The following ATP6V1E1 variants were observed in gnomAD, a reference collection of about 807,000 sequenced individuals.
ATP6V1E1 encodes V-type proton ATPase subunit E 1.
In ATP6V1E1, 21 loss-of-function variants were observed where a neutral mutation model predicts 35.2. The observed-to-expected ratio is 0.60, with a 90% CI of 0.42 to 0.86. The LOEUF (loss-of-function observed/expected upper bound fraction) is 0.86. Ranked by LOEUF, ATP6V1E1 falls within the 40% of genes least tolerant of loss-of-function variation. The pLI, the probability that ATP6V1E1 is intolerant of heterozygous loss-of-function variation, is 0.00. For synonymous variants in ATP6V1E1, 83 were observed against 87.8 expected (o/e 0.95, Z 0.30); for missense variants, 183 against 272.6 (o/e 0.67, Z 2.32).
At chr22:17,615,555 A>C (rs192870479) in intron 2 of ATP6V1E1, among the ~76,000 whole-genome samples, 4 of 151,962 alleles carry the variant, frequency 2.6e-5, no homozygotes, top group Admixed American at 2.6e-4. Flanking sequence ...AGGCAGGAGA[A>C]TCGCTTGAAC....
chr22:17,628,767 C>T, upstream of ATP6V1E1: 1 of 1,244,340 alleles, frequency 8.0e-7, no homozygotes, highest in East Asian at 2.4e-5. Flanking sequence ...GGTTCCGGTT[C>T]CTGCCAGGTG....
At chr22:17,621,046 AG>A (rs2057874367) in intron 1 of ATP6V1E1, among the ~76,000 whole-genome samples, 1 of 152,012 alleles carries the variant, frequency 6.6e-6, no homozygotes, top group Non-Finnish European at 1.5e-5. Flanking sequence ...TGGGCGACAG[AG>A]CGAGACTCTG....
intron 1 of ATP6V1E1, among the ~76,000 whole-genome samples, chr22:17,627,077 C>A (rs968784485): frequency 2.0e-5 from 3 of 152,112 alleles, no homozygotes; most frequent in Non-Finnish European, 4.4e-5. Context: ...GCAACCTCCG[C>A]CTGCCGGGTT....
At chr22:17,603,492 G>T (rs2057771540) in intron 4 of ATP6V1E1, among the ~76,000 whole-genome samples, 1 of 152,008 alleles carries the variant, frequency 6.6e-6, no homozygotes, top group African/African-American at 2.4e-5. Context: ...CTCCAACCTG[G>T]GAAACTGTGT....
At chr22:17,618,168 T>A (rs1352777581) in intron 2 of ATP6V1E1, among the ~76,000 whole-genome samples, 1 of 152,194 alleles carries the variant, frequency 6.6e-6, no homozygotes, top group East Asian at 1.9e-4. Flanking sequence ...AATGAAACAC[T>A]ACAACCTTCT....
chr22:17,610,304 A>C (rs2057809034), intron 4 of ATP6V1E1, among the ~76,000 whole-genome samples: 1 of 152,244 alleles, frequency 6.6e-6, no homozygotes, highest in Admixed American at 6.5e-5. Context: ...AGAGAAAATA[A>C]GGGCAATAAA....
At chr22:17,619,107 C>A (rs959764341) in intron 2 of ATP6V1E1, 4 of 454,384 alleles carry the variant, frequency 8.8e-6, no homozygotes, top group East Asian at 6.8e-5. Context: ...TCCTGGCCAA[C>A]ACGGTGAAAC....
At chr22:17,601,212 T>C (rs1310757324) in intron 4 of ATP6V1E1, 31 bp from the exon 5 acceptor site, 1 of 1,592,102 alleles carries the variant, frequency 6.3e-7, no homozygotes, top group Non-Finnish European at 8.6e-7. Context: ...AAAAGTTATC[T>C]ACACATCTGG....
chr22:17,607,308 C>G (rs2057791828), intron 4 of ATP6V1E1, among the ~76,000 whole-genome samples: 1 of 152,088 alleles, frequency 6.6e-6, no homozygotes, highest in Non-Finnish European at 1.5e-5. Flanking sequence ...CAGGCACCCC[C>G]CACCAGGCCC....
chr22:17,593,193 G>C (rs1274841427), intron 8 of ATP6V1E1, among the ~76,000 whole-genome samples: 1 of 151,912 alleles, frequency 6.6e-6, no homozygotes, highest in Non-Finnish European at 1.5e-5. Context: ...CTTCCCTGAA[G>C]CAAGTAACAC....
At chr22:17,596,887 GC>G (rs1237831784) in intron 7 of ATP6V1E1, among the ~76,000 whole-genome samples, 2 of 152,062 alleles carry the variant, frequency 1.3e-5, no homozygotes, top group Admixed American at 1.3e-4. Flanking sequence ...GTAGCAAAAG[GC>G]CAAGATAGGA....
intron 2 of ATP6V1E1, 90 bp from the exon 3 acceptor site, chr22:17,613,410 A>AATTAGTGTTCATAAG: frequency 1.0e-6 from 1 of 958,350 alleles, no homozygotes; most frequent in Non-Finnish European, 1.6e-6. Flanking sequence ...TTGCTTATGA[A>AATTAGTGTTCATAAG]CACTAATTTC....
At chr22:17,619,862 T>C (rs1343629421) in intron 1 of ATP6V1E1, among the ~76,000 whole-genome samples, 1 of 152,212 alleles carries the variant, frequency 6.6e-6, no homozygotes, top group Non-Finnish European at 1.5e-5. Context: ...CAATACTCAA[T>C]AACACAGATA....
At chr22:17,618,687 A>G (rs12165325) in intron 2 of ATP6V1E1, among the ~76,000 whole-genome samples, 5 of 101,146 alleles carry the variant, frequency 4.9e-5, no homozygotes, top group South Asian at 3.1e-4. Context: ...ATCTCAAAAA[A>G]AAAAAAAAAA....
At position 17,592,627 on chromosome 22, in the gene ATP6V1E1, C is replaced by T; in HGVS notation, c.*47G>A. ...GTGTTTCTTCAAATATCAGAAGCTT[C>T]CACATCACAGCAGGAGAGCTGACGA... On this transcript the variant is annotated 3_prime_UTR_variant, in exon 9 of 9. Coordinates refer to ENST00000253413, the MANE Select transcript of ATP6V1E1 (RefSeq NM_001696.4). 1 of 1,568,708 alleles carries T rather than the reference C, an allele frequency of 6.4e-7. No homozygotes were observed. The highest frequency in any genetic ancestry group is 8.8e-7 in the Non-Finnish European group (1 of 1,138,940).
chr22:17,611,467 C>A (rs1187541110), intron 4 of ATP6V1E1, among the ~76,000 whole-genome samples: 2 of 152,152 alleles, frequency 1.3e-5, no homozygotes, highest in Admixed American at 6.6e-5. Context: ...ATTAGTAAAT[C>A]ATCTCTATGG....
At chr22:17,621,206 C>T (rs1263211795) in intron 1 of ATP6V1E1, among the ~76,000 whole-genome samples, 3 of 152,300 alleles carry the variant, frequency 2.0e-5, no homozygotes, top group South Asian at 2.1e-4. Flanking sequence ...TGTTTCTAAT[C>T]GACTCTACAT....
intron 4 of ATP6V1E1, among the ~76,000 whole-genome samples, chr22:17,606,068 G>C (rs1373266443): frequency 6.6e-6 from 1 of 152,106 alleles, no homozygotes; most frequent in Non-Finnish European, 1.5e-5. Context: ...AACCTCAAAG[G>C]AATTCCAAAG....
At chr22:17,625,551 G>T (rs2057899705) in intron 1 of ATP6V1E1, among the ~76,000 whole-genome samples, 1 of 138,414 alleles carries the variant, frequency 7.2e-6, no homozygotes, top group African/African-American at 2.5e-5. Context: ...AAAGTGCTGG[G>T]ATTACAGGCG....
Sources: allele counts gnomAD v4.1 joint callset (sites outside exome capture counted in the v4.1 genomes callset), GRCh38; gene constraint gnomAD v4.1.1; transcripts MANE v1.5; gene names NCBI Gene and HGNC (gene_info 2026-07-23, HGNC 2026-07-21).